Variants in ENTREP2 observed in about 807,000 individuals in gnomAD.
The protein encoded by ENTREP2 is endosomal transmembrane epsin interactor 2.
At chr15:29,642,529 T>C in the ENTREP2 span, among the ~76,000 whole-genome samples, 3 of 147,950 alleles carry the variant, frequency 2.0e-5, no homozygotes, top group Non-Finnish European at 4.5e-5. Context: ...TATATACACA[T>C]ATATATCATA....
At chr15:29,672,717 G>A in the ENTREP2 span, among the ~76,000 whole-genome samples, 1 of 152,094 alleles carries the variant, frequency 6.6e-6, no homozygotes, top group Admixed American at 6.6e-5. Flanking sequence ...ACTCAAACCA[G>A]TCTCCCTGAA....
At chr15:29,155,280 T>G in the ENTREP2 span, among the ~76,000 whole-genome samples, 1 of 120,358 alleles carries the variant, frequency 8.3e-6, no homozygotes, top group East Asian at 2.3e-4. Context: ...AGACTCCATC[T>G]CATAAAAAGA....
chr15:29,619,120 C>T, the ENTREP2 span, among the ~76,000 whole-genome samples: 12 of 152,122 alleles, frequency 7.9e-5, no homozygotes, highest in African/African-American at 2.7e-4. Context: ...TGGCTGGGCG[C>T]GGTGGCTCAC....
At chr15:29,657,475 T>TGCGGGGGCAGGGCGGGGCGGGGGG in the ENTREP2 span, among the ~76,000 whole-genome samples, 1 of 3,804 alleles carries the variant, frequency 2.6e-4, no homozygotes, top group Admixed American at 3.4e-3. Context: ...CGCTGTCGGC[T>TGCGGGGGCAGGGCGGGGCGGGGGG]GGGGGGGCGG....
At chr15:29,492,999 G>T in the ENTREP2 span, among the ~76,000 whole-genome samples, 1 of 147,876 alleles carries the variant, frequency 6.8e-6, no homozygotes, top group East Asian at 2.0e-4. Flanking sequence ...GTGAGACTCC[G>T]TCTCCAAAAA....
the ENTREP2 span, among the ~76,000 whole-genome samples, chr15:29,249,989 A>ATTCT: frequency 2.0e-5 from 3 of 152,136 alleles, no homozygotes; most frequent in Non-Finnish European, 2.9e-5. Flanking sequence ...TGAGGGCAGC[A>ATTCT]CCGAGGGAAT....
At chr15:29,544,615 G>C in the ENTREP2 span, among the ~76,000 whole-genome samples, 2,456 of 152,218 alleles carry the variant, frequency 0.016, 65 homozygotes, top group African/African-American at 0.055. Flanking sequence ...TGCTCCAAAG[G>C]TGGCTGAGGG....
chr15:29,594,157 G>T, the ENTREP2 span, among the ~76,000 whole-genome samples: 1 of 152,152 alleles, frequency 6.6e-6, no homozygotes, highest in Non-Finnish European at 1.5e-5. Flanking sequence ...TGGTGAGGAT[G>T]CAGCTATGAG....
chr15:29,230,329 G>C, the ENTREP2 span, among the ~76,000 whole-genome samples: 1 of 152,130 alleles, frequency 6.6e-6, no homozygotes, highest in Non-Finnish European at 1.5e-5. Flanking sequence ...CCAAGCTGAA[G>C]TAATCCCTAC....
chr15:29,638,638 A>ATCCC, the ENTREP2 span, among the ~76,000 whole-genome samples: 1 of 152,230 alleles, frequency 6.6e-6, no homozygotes. Context: ...GCAGTTTAGG[A>ATCCC]GGCTGAAGCA....
the ENTREP2 span, among the ~76,000 whole-genome samples, chr15:29,134,916 GC>G: frequency 6.6e-6 from 1 of 152,152 alleles, no homozygotes; most frequent in South Asian, 2.1e-4. Flanking sequence ...TCAGCAGACA[GC>G]GAGCAGCTGG....
At chr15:29,328,925 C>T in the ENTREP2 span, among the ~76,000 whole-genome samples, 1 of 151,962 alleles carries the variant, frequency 6.6e-6, no homozygotes. Flanking sequence ...TGTGGAATAC[C>T]CTATTCTAAT....
At chr15:29,468,090 CA>C in the ENTREP2 span, among the ~76,000 whole-genome samples, 1 of 152,164 alleles carries the variant, frequency 6.6e-6, no homozygotes, top group Non-Finnish European at 1.5e-5. Flanking sequence ...AAAGCAAGAT[CA>C]TCATGCATTG....
chr15:29,224,183 G>C, the ENTREP2 span, among the ~76,000 whole-genome samples: 1 of 152,026 alleles, frequency 6.6e-6, no homozygotes, highest in Non-Finnish European at 1.5e-5. Flanking sequence ...AGACCTTCGT[G>C]GTGAGTGTTA....
chr15:29,522,777 G>C, the ENTREP2 span, among the ~76,000 whole-genome samples: 1 of 152,118 alleles, frequency 6.6e-6, no homozygotes, highest in Admixed American at 6.5e-5. Flanking sequence ...CACCTAGAAG[G>C]CTGTTTTTAT....
chr15:29,520,217 G>A, the ENTREP2 span, among the ~76,000 whole-genome samples: 237 of 152,280 alleles, frequency 1.6e-3, 1 homozygote, highest in African/African-American at 5.6e-3. Flanking sequence ...TTTCTAAATG[G>A]CAAAGTCTAC....
At chr15:29,628,196 T>C in the ENTREP2 span, among the ~76,000 whole-genome samples, 2 of 152,232 alleles carry the variant, frequency 1.3e-5, no homozygotes, top group Non-Finnish European at 2.9e-5. Flanking sequence ...TGAAGTAATA[T>C]TACATTTTGA....
At chr15:29,291,444 A>C in the ENTREP2 span, among the ~76,000 whole-genome samples, 2 of 152,298 alleles carry the variant, frequency 1.3e-5, no homozygotes, top group Non-Finnish European at 2.9e-5. Flanking sequence ...GGTTGCCTGC[A>C]TATCACAGAC....
chr15:29,472,233 C>A, the ENTREP2 span, among the ~76,000 whole-genome samples: 48 of 152,204 alleles, frequency 3.2e-4, no homozygotes, highest in East Asian at 8.3e-3. Context: ...TGAAGCCAGG[C>A]CTGTCATGCA....
Sources: gnomAD v4.1 joint callset for allele counts (sites outside exome capture counted in the v4.1 genomes callset) on GRCh38, gnomAD v4.1.1 for gene constraint, MANE v1.5 for transcripts, NCBI Gene and HGNC (gene_info 2026-07-23, HGNC 2026-07-21) for gene names.